Variants in KCNB2 observed in about 807,000 individuals in gnomAD.
The protein encoded by KCNB2 is delayed rectifier potassium channel protein.
A neutral mutation model predicts 61.5 loss-of-function variants in KCNB2; 15 were observed. The ratio of observed to expected loss-of-function variants is 0.24; its 90% CI spans 0.16 to 0.38. The LOEUF is 0.38. KCNB2 is among the 10% of genes least tolerant of loss of function. The pLI is 1.00. For synonymous variants in KCNB2, 457 were observed against 446.0 expected (o/e 1.02, Z -0.31); for missense variants, 828 against 1,125.2 (o/e 0.74, Z 3.78).
chr8:72,588,125 A>G (rs1807029007), intron 2 of KCNB2, among the ~76,000 whole-genome samples: 1 of 152,112 alleles, frequency 6.6e-6, no homozygotes, highest in African/African-American at 2.4e-5. Context: ...TCTTCCTCAT[A>G]AATTTTTACA....
chr8:72,729,836 T>C lies in KCNB2; in HGVS notation c.579+161523T>C, dbSNP rs114244422. Among the ~76,000 whole-genome samples the C allele has an allele frequency of 3.9e-3, 598 of 151,744 alleles. 4 individuals carry two copies. Among genetic ancestry groups the C allele is most frequent in the African/African-American group, 0.014 (568 of 41,332 alleles). On this transcript the variant is annotated intron_variant, in intron 2 of 2. Coordinates refer to ENST00000523207, the MANE Select transcript of KCNB2 (RefSeq NM_004770.3). ...AGGCGGGGCTTGCGGTTAGCTGAGA[T>C]CATGTGTCATTACACTCCAGCCTGG...
chr8:72,834,007 T>TTCTCCACAAAAGCA (rs1809738460), intron 2 of KCNB2, among the ~76,000 whole-genome samples: 1 of 152,228 alleles, frequency 6.6e-6, no homozygotes, highest in Non-Finnish European at 1.5e-5. Flanking sequence ...AGATACTGTT[T>TTCTCCACAAAAGCA]TCTCCACAAA....
At chr8:72,607,271 C>T (rs1261650262) in intron 2 of KCNB2, among the ~76,000 whole-genome samples, 1 of 151,954 alleles carries the variant, frequency 6.6e-6, no homozygotes, top group Non-Finnish European at 1.5e-5. Context: ...GGGATGGGGC[C>T]AGTGGAGAGG....
At chr8:72,580,376 C>T (rs1806872303) in intron 2 of KCNB2, among the ~76,000 whole-genome samples, 1 of 152,116 alleles carries the variant, frequency 6.6e-6, no homozygotes, top group Non-Finnish European at 1.5e-5. Flanking sequence ...GATATTCATA[C>T]CCAGTCTAGC....
chr8:72,736,949 T>C (rs1807856249), intron 2 of KCNB2, among the ~76,000 whole-genome samples: 1 of 152,154 alleles, frequency 6.6e-6, no homozygotes, highest in African/African-American at 2.4e-5. Context: ...TATCCTTGTA[T>C]ATACATTTAT....
At chr8:72,620,697 C>T (rs1157118042) in intron 2 of KCNB2, among the ~76,000 whole-genome samples, 1 of 152,130 alleles carries the variant, frequency 6.6e-6, no homozygotes, top group Non-Finnish European at 1.5e-5. Flanking sequence ...CAACCTCTGC[C>T]TCCCAGGTTC....
chr8:72,610,755 A>C (rs1472958694), intron 2 of KCNB2, among the ~76,000 whole-genome samples: 2 of 152,214 alleles, frequency 1.3e-5, no homozygotes, highest in East Asian at 3.8e-4. Flanking sequence ...AGGAAAATGA[A>C]GGCAAATAAC....
At position 72,934,394 on chromosome 8, in the gene KCNB2, C is replaced by CAAAAA. The variant is rs11392513; in HGVS notation, c.580-1525_580-1521dup. 6.4e-4 allele frequency among the ~76,000 whole-genome samples: 54 copies of CAAAAA among 83,770 alleles called. 2 individuals are homozygous for CAAAAA. Among genetic ancestry groups the CAAAAA allele is most frequent in the African/African-American group, 2.3e-3 (38 of 16,822 alleles). The allele number at this position is 83,770 out of a possible 152,430, so 55.0% of individuals were successfully genotyped here. A position where few individuals can be genotyped will look rare whatever the true frequency, so the allele number is the denominator to read the frequency against. On this transcript the variant is annotated intron_variant, in intron 2 of 2. Transcript: ENST00000523207. ...AAAACCTTTCCCCCTTCACCCCCCG[C>CAAAAA]AAAAAAAAAAAAAAAAAAAAGTAAA...
At chr8:72,795,737 C>A (rs1809021866) in intron 2 of KCNB2, among the ~76,000 whole-genome samples, 1 of 152,140 alleles carries the variant, frequency 6.6e-6, no homozygotes, top group African/African-American at 2.4e-5. Context: ...TTGTAAAATT[C>A]CTGAAGATGG....
chr8:72,674,183 G>A (rs971764007), intron 2 of KCNB2, among the ~76,000 whole-genome samples: 1 of 152,146 alleles, frequency 6.6e-6, no homozygotes, highest in East Asian at 1.9e-4. Context: ...TGACTGTGGG[G>A]CAAGTTAATT....
At chr8:72,539,337 AC>A (rs1198127305) in intron 1 of KCNB2, among the ~76,000 whole-genome samples, 2 of 152,208 alleles carry the variant, frequency 1.3e-5, no homozygotes, top group African/African-American at 4.8e-5. Context: ...CGTAGAAATA[AC>A]TTTCTTCCCC....
intron 2 of KCNB2, among the ~76,000 whole-genome samples, chr8:72,746,960 G>A (rs1418814578): frequency 2.0e-5 from 3 of 152,100 alleles, no homozygotes; most frequent in Non-Finnish European, 4.4e-5. Context: ...CAATTCCTGA[G>A]GAAATCTGAT....
intron 2 of KCNB2, among the ~76,000 whole-genome samples, chr8:72,882,141 G>A (rs1271792535): frequency 6.6e-6 from 1 of 152,094 alleles, no homozygotes; most frequent in East Asian, 1.9e-4. Context: ...GGGCACACCT[G>A]TGCCCGACAA....
At chr8:72,742,790 C>G (rs1439153245) in intron 2 of KCNB2, among the ~76,000 whole-genome samples, 17 of 152,178 alleles carry the variant, frequency 1.1e-4, no homozygotes, top group Admixed American at 1.1e-3. Context: ...GGGCCAGAGC[C>G]AATGCACGGG....
At chr8:72,767,268 G>C (rs142161603) in intron 2 of KCNB2, among the ~76,000 whole-genome samples, 1 of 152,068 alleles carries the variant, frequency 6.6e-6, no homozygotes. Context: ...TATTGATATA[G>C]TATTTACTAT....
intron 2 of KCNB2, among the ~76,000 whole-genome samples, chr8:72,928,014 C>T (rs1276700233): frequency 6.6e-6 from 1 of 152,038 alleles, no homozygotes; most frequent in South Asian, 2.1e-4. Flanking sequence ...ATTTTTCCAA[C>T]AGGAAAAAGA....
At chr8:72,895,301 T>C (rs139794666) in intron 2 of KCNB2, among the ~76,000 whole-genome samples, 1 of 152,224 alleles carries the variant, frequency 6.6e-6, no homozygotes, top group African/African-American at 2.4e-5. Flanking sequence ...ACAAGGGTGC[T>C]TGAAAGTGGG....
intron 1 of KCNB2, among the ~76,000 whole-genome samples, chr8:72,544,292 T>A (rs1188911531): frequency 6.6e-6 from 1 of 152,222 alleles, no homozygotes; most frequent in Non-Finnish European, 1.5e-5. Flanking sequence ...TGAAGAAGGT[T>A]GAGGATTAGA....
At chr8:72,685,066 G>A (rs1293949964) in intron 2 of KCNB2, among the ~76,000 whole-genome samples, 1 of 152,156 alleles carries the variant, frequency 6.6e-6, no homozygotes, top group Non-Finnish European at 1.5e-5. Flanking sequence ...AAGTACAACA[G>A]GACTTCATTG....
Sources: gnomAD v4.1 joint callset for allele counts (sites outside exome capture counted in the v4.1 genomes callset) on GRCh38, gnomAD v4.1.1 for gene constraint, MANE v1.5 for transcripts, NCBI Gene and HGNC (gene_info 2026-07-23, HGNC 2026-07-21) for gene names.